TFCP2L1: variants seen among roughly 807,000 people sequenced by gnomAD.
TFCP2L1 encodes the protein transcription factor CP2-like protein 1.
In TFCP2L1, 12 loss-of-function variants were observed where a neutral mutation model predicts 72.2. That is an observed-to-expected ratio of 0.17 (90% CI 0.11 to 0.27). TFCP2L1 has a LOEUF of 0.27. Among genes scored for constraint, TFCP2L1 ranks in the 10% least tolerant of loss-of-function variants. TFCP2L1 has a pLI of 1.00. For missense variants in TFCP2L1, 488 were observed against 624.6 expected (o/e 0.78, Z 2.33); for synonymous variants, 260 against 251.0 (o/e 1.04, Z -0.34).
intron 2 of TFCP2L1, among the ~76,000 whole-genome samples, chr2:121,271,185 G>A (rs529096145): frequency 1.8e-4 from 26 of 143,100 alleles, no homozygotes; most frequent in African/African-American, 6.1e-4. Flanking sequence ...GCAAGACTCC[G>A]TCTCAAAATA....
intron 2 of TFCP2L1, among the ~76,000 whole-genome samples, chr2:121,257,872 C>A (rs1573383302): frequency 8.1e-6 from 1 of 122,896 alleles, no homozygotes; most frequent in African/African-American, 4.9e-5. Context: ...GCCCACCCCT[C>A]CCTCCTTGAA....
chr2:121,260,387 G>A (rs932454559), intron 2 of TFCP2L1, among the ~76,000 whole-genome samples: 1 of 152,190 alleles, frequency 6.6e-6, no homozygotes, highest in Non-Finnish European at 1.5e-5. Context: ...GTTCTTTGCA[G>A]AAGTCTTGTG....
intron 2 of TFCP2L1, among the ~76,000 whole-genome samples, chr2:121,264,715 G>A (rs1467891565): frequency 6.6e-6 from 1 of 152,164 alleles, no homozygotes; most frequent in African/African-American, 2.4e-5. Flanking sequence ...TTGAGCCCCT[G>A]GTTCCCGTGC....
At chr2:121,234,788 G>A (rs990979405) in intron 11 of TFCP2L1, among the ~76,000 whole-genome samples, 4 of 152,376 alleles carry the variant, frequency 2.6e-5, no homozygotes, top group Admixed American at 6.5e-5. Context: ...ATGGCAGGAA[G>A]GTGTGCAGGA....
chr2:121,226,625 G>A (rs1686036540), intron 13 of TFCP2L1, among the ~76,000 whole-genome samples: 1 of 152,110 alleles, frequency 6.6e-6, no homozygotes, highest in Non-Finnish European at 1.5e-5. Context: ...TAACAACTCT[G>A]CTCAGGAGCC....
At chr2:121,271,895 G>A (rs561964262) in intron 2 of TFCP2L1, among the ~76,000 whole-genome samples, 1 of 152,280 alleles carries the variant, frequency 6.6e-6, no homozygotes, top group African/African-American at 2.4e-5. Flanking sequence ...AAACAGGAGG[G>A]TTGGGGGTAG....
In TFCP2L1 at chr2:121,255,781, C is replaced by A. The variant is rs558087300; in HGVS notation, c.215-6134G>T. On this transcript the variant is annotated intron_variant, in intron 2 of 14. Coordinates refer to ENST00000263707, the MANE Select transcript of TFCP2L1 (RefSeq NM_014553.3). ...TTTTTGAGACGGAATCTCGCTCTGT[C>A]GCCCAGGCTGGAGTACAGCGGCACG... 2.0e-5 allele frequency among the ~76,000 whole-genome samples: 3 copies of A among 150,710 alleles called. No individual in the cohort carries two copies. The East Asian group carries it at 5.9e-4, about 30-fold the overall frequency.
intron 7 of TFCP2L1, among the ~76,000 whole-genome samples, chr2:121,240,883 T>A (rs1343249650): frequency 6.6e-6 from 1 of 152,198 alleles, no homozygotes; most frequent in Non-Finnish European, 1.5e-5. Context: ...CCAGTGCACA[T>A]CTATCTGACC....
intron 3 of TFCP2L1, among the ~76,000 whole-genome samples, 154 bp from the exon 4 acceptor site, chr2:121,249,241 C>T (rs1686554066): frequency 6.6e-6 from 1 of 152,290 alleles, no homozygotes; most frequent in Admixed American, 6.5e-5. Context: ...CTGTCCCCTC[C>T]TCAGATTCCA....
In TFCP2L1 at chr2:121,249,559, T is replaced by C. The variant is rs1167459086; in HGVS notation, c.291+12A>G. 2 of 1,613,938 alleles carry C rather than the reference T, an allele frequency of 1.2e-6. No individual in the cohort carries two copies. Among genetic ancestry groups the C allele is most frequent in the Non-Finnish European group, 1.7e-6 (2 of 1,179,946 alleles). ...TCTCCCCGAGGCAATGAGAACAGCC[T>C]GTGAGGCTTACCTTGACATATTTTG... On this transcript the variant is annotated intron_variant, in intron 3 of 14. Coordinates refer to ENST00000263707, the MANE Select transcript of TFCP2L1 (RefSeq NM_014553.3).
chr2:121,225,681 G>A, intron 13 of TFCP2L1, 68 bp from the exon 14 acceptor site: 5 of 1,567,426 alleles, frequency 3.2e-6, no homozygotes, highest in South Asian at 2.2e-5. Flanking sequence ...CTCGGTGGCA[G>A]AGCCTAGCCA....
chr2:121,265,584 A>G (rs1260566057), intron 2 of TFCP2L1, among the ~76,000 whole-genome samples: 13 of 151,532 alleles, frequency 8.6e-5, no homozygotes, highest in African/African-American at 3.2e-4. Flanking sequence ...CCCAGGTTTG[A>G]GTGATTCTCC....
At chr2:121,230,865 C>T (rs955738529) in intron 13 of TFCP2L1, among the ~76,000 whole-genome samples, 11 of 152,136 alleles carry the variant, frequency 7.2e-5, no homozygotes, top group Non-Finnish European at 7.4e-5. Flanking sequence ...CACTTGAGCC[C>T]AAGAGTTCAA....
intron 2 of TFCP2L1, among the ~76,000 whole-genome samples, chr2:121,275,200 C>T (rs1468234773): frequency 4.0e-5 from 6 of 151,836 alleles, no homozygotes; most frequent in African/African-American, 9.7e-5. Flanking sequence ...CTGGCTAACA[C>T]GGTGAAACCC....
chr2:121,219,038 C>T lies in TFCP2L1; in HGVS notation c.*5303G>A, dbSNP rs1368656401. 3.3e-5 allele frequency: 5 copies of T among 152,278 alleles called. No homozygotes were observed. Among genetic ancestry groups the T allele is most frequent in the Admixed American group, 6.5e-5 (1 of 15,282 alleles). The allele number at this position is 152,278 out of a possible 1,614,324, so 9.4% of individuals were successfully genotyped here. A position where few individuals can be genotyped will look rare whatever the true frequency, so the allele number is the denominator to read the frequency against. On this transcript the variant is annotated 3_prime_UTR_variant, in exon 15 of 15. Coordinates refer to ENST00000263707, the MANE Select transcript of TFCP2L1 (RefSeq NM_014553.3). ...ACATTTCCTACCTGCAACCCTGGAC[C>T]GGTAAGATGACACAGAGCATGCAAC...
chr2:121,224,968 G>C (rs1448310902), intron 14 of TFCP2L1, among the ~76,000 whole-genome samples: 2 of 146,796 alleles, frequency 1.4e-5, no homozygotes, highest in Non-Finnish European at 3.0e-5. Context: ...CTGGGTGACA[G>C]AGCAAGACTC....
Position 121,239,603 on chromosome 2 carries a change from G to C in TFCP2L1, c.815C>G (p.Ser272Cys), listed in dbSNP as rs371778493. ...GTTTGGAGAACCATTGTAGCTTGGG[G>C]ACGGGGCGCTGTTCACCTGGTAGGC... ...DVAYQVNSAP[S>C]PSYNGSPNSF... The change falls in exon 8 of 15, where the codon TCC (serine) becomes TGC (cysteine). Residue 272 changes from serine to cysteine, a missense_variant. By Grantham distance (112) the Ser-to-Cys change is moderately radical. This residue lies in a region of TFCP2L1 where 286 missense variants were observed against 329.0 expected (regional missense o/e 0.87). Coordinates refer to ENST00000263707, the MANE Select transcript of TFCP2L1 (RefSeq NM_014553.3). 1 of 1,614,102 alleles carries C rather than the reference G, an allele frequency of 6.2e-7. No homozygotes were observed. The highest frequency in any genetic ancestry group is 8.5e-7 in the Non-Finnish European group (1 of 1,180,042).
chr2:121,272,547 C>T (rs1227551966), intron 2 of TFCP2L1, among the ~76,000 whole-genome samples: 1 of 152,228 alleles, frequency 6.6e-6, no homozygotes, highest in Non-Finnish European at 1.5e-5. Flanking sequence ...CACCGTTTAA[C>T]TCTAAGAGAT....
Position 121,234,210 on chromosome 2 carries a change from A to G in TFCP2L1, c.1095-16T>C. ...CCTCACATTCCTGGCAGGAGAAGAG[A>G]AAATAAATAATAGGTGTGGTGGACC... On this transcript the variant is annotated splice_polypyrimidine_tract_variant and intron_variant, in intron 11 of 14. Transcript: ENST00000263707. 1 of 1,610,176 alleles carries G rather than the reference A, an allele frequency of 6.2e-7. No homozygotes were observed. Among genetic ancestry groups the G allele is most frequent in the Non-Finnish European group, 8.5e-7 (1 of 1,176,386 alleles).
Sources: gnomAD v4.1 joint callset for allele counts (sites outside exome capture counted in the v4.1 genomes callset) on GRCh38, gnomAD v4.1.1 for gene constraint, gnomAD v4.1.1 regional missense constraint, MANE v1.5 for transcripts, NCBI Gene and HGNC (gene_info 2026-07-23, HGNC 2026-07-21) for gene names.